ERBIN: variants seen among roughly 807,000 people sequenced by gnomAD.
ERBIN encodes the protein densin-180-like protein.
Under a neutral mutation model 158.4 loss-of-function variants are expected in ERBIN, and 60 were observed. The ratio of observed to expected loss-of-function variants is 0.38; its 90% confidence interval spans 0.31 to 0.47. ERBIN has a LOEUF of 0.47. ERBIN is among the 20% of genes least tolerant of loss of function. The pLI is 0.99. For synonymous variants in ERBIN, 594 were observed against 557.2 expected (o/e 1.07, Z -0.93); for missense variants, 1,610 against 1,648.0 (o/e 0.98, Z 0.40).
Position 66,080,295 on chromosome 5 carries a change from A to T in ERBIN, c.*1765A>T, listed in dbSNP as rs1001349331. ...TTGCACTTCTTTCAAGATGTTATCA[A>T]TTGGTTATTGTACTGTATAGTTTTA... On this transcript the variant is annotated 3_prime_UTR_variant, in exon 26 of 26. Transcript: ENST00000284037. The T allele has an allele frequency of 6.6e-5, 10 of 152,550 alleles. No homozygotes were observed. Among genetic ancestry groups the T allele is most frequent in the Non-Finnish European group, 1.0e-4 (7 of 67,976 alleles). 9.4% of individuals were successfully genotyped at this position (152,550 alleles called of 1,614,324 possible).
chr5:66,054,709 A>C lies in ERBIN; in HGVS notation c.3391A>C (p.Thr1131Pro), dbSNP rs1759420952. The C allele has an allele frequency of 1.9e-6, 3 of 1,614,138 alleles. No homozygotes were observed. In the East Asian group the frequency reaches 6.7e-5, roughly 36 times the overall value. ...ATCACAGAGACCCCTTTCTGCACGA[A>C]CATACAGCATAGATGGTCCAAATGC... ...PGSQRPLSARTYSIDGPNASR... is the reference protein window; with the variant it reads ...PGSQRPLSARPYSIDGPNASR... Residue 1131 changes from threonine to proline, a missense_variant, in exon 21 of 26, where the codon ACA becomes CCA. Coordinates refer to ENST00000284037, the MANE Select transcript of ERBIN (RefSeq NM_001253697.2).
intron 4 of ERBIN, among the ~76,000 whole-genome samples, chr5:66,011,512 A>AC (rs1384628607): frequency 6.6e-6 from 1 of 152,080 alleles, no homozygotes; most frequent in Non-Finnish European, 1.5e-5. Flanking sequence ...GCATGGTGAA[A>AC]CCCCGTCTCT....
intron 1 of ERBIN, among the ~76,000 whole-genome samples, chr5:65,953,659 A>G (rs930813889): frequency 1.3e-5 from 2 of 152,184 alleles, no homozygotes; most frequent in Non-Finnish European, 2.9e-5. Context: ...ATTATTTGCT[A>G]AGTTTTTCTT....
Position 66,002,763 on chromosome 5 carries a change from AT to A in ERBIN, c.307+7901del, listed in dbSNP as rs1561357911. ...TTCACATTAAACTAAAAGAAGTTAA[AT>A]TGATTAAGAGGATATTACAGATTGA... On this transcript the variant is annotated intron_variant, in intron 4 of 25. Transcript: ENST00000284037. Among the ~76,000 whole-genome samples the A allele has an allele frequency of 3.9e-5, 6 of 152,364 alleles. No homozygotes were observed. In the South Asian group the frequency reaches 1.2e-3, roughly 32 times the overall value.
chr5:65,992,746 C>T lies in ERBIN; in HGVS notation c.28C>T (p.Arg10Trp), dbSNP rs778078799. 1.8e-5 allele frequency: 29 copies of T among 1,599,324 alleles called. No homozygotes were observed. The highest frequency in any genetic ancestry group is 3.3e-4 in the Middle Eastern group (2 of 6,016). The change falls in exon 3 of 26, where the codon CGG becomes TGG. Residue 10 changes from arginine to tryptophan, a missense_variant. Coordinates refer to ENST00000284037, the MANE Select transcript of ERBIN (RefSeq NM_001253697.2). MTTKRSLFV[R>W]LVPCRCLRGE... ...GACTACAAAACGAAGTTTGTTTGTGCGGTTGGTACCATGTCGCTGTCTACG... is the reference window on the plus strand; with the variant it reads ...GACTACAAAACGAAGTTTGTTTGTGTGGTTGGTACCATGTCGCTGTCTACG...
Position 66,078,837 on chromosome 5 carries a change from A to G in ERBIN, c.*307A>G, listed in dbSNP as rs1762243106. 3.6e-6 allele frequency: 1 copy of G among 274,444 alleles called. No individual in the cohort carries two copies. The highest frequency in any genetic ancestry group is 5.0e-5 in the Admixed American group (1 of 19,820). 17.0% of individuals were successfully genotyped at this position (274,444 alleles called of 1,614,324 possible). On this transcript the variant is annotated 3_prime_UTR_variant, in exon 26 of 26. Transcript: ENST00000284037. ...AGGTTTATTTTTGGATTTCATATACATGACTGAACTGTGTGCAAGGCAATA... is the reference window on the plus strand; with the variant it reads ...AGGTTTATTTTTGGATTTCATATACGTGACTGAACTGTGTGCAAGGCAATA...
chr5:66,051,064 T>C (rs148688208), intron 20 of ERBIN, 98 bp downstream of exon 20: 154 of 721,914 alleles, frequency 2.1e-4, no homozygotes, highest in Non-Finnish European at 3.1e-4. Flanking sequence ...ATAAATATTA[T>C]AGAAGTGGTT....
At chr5:65,966,275 A>AT (rs1307871616) in intron 1 of ERBIN, among the ~76,000 whole-genome samples, 1 of 152,254 alleles carries the variant, frequency 6.6e-6, no homozygotes, top group Non-Finnish European at 1.5e-5. Context: ...GTATAAAAGT[A>AT]TAAGTACAGT....
intron 4 of ERBIN, among the ~76,000 whole-genome samples, chr5:66,001,790 TTTTTATTTTA>T (rs553802092): frequency 6.6e-6 from 1 of 152,160 alleles, no homozygotes; most frequent in Non-Finnish European, 1.5e-5. Context: ...GTATGTATGC[TTTTTATTTTA>T]TTTTATTTTA....
At chr5:65,992,438 C>T (rs1278893492) in intron 2 of ERBIN, among the ~76,000 whole-genome samples, 2 of 151,992 alleles carry the variant, frequency 1.3e-5, no homozygotes, top group Non-Finnish European at 2.9e-5. Context: ...TGAGCCACTG[C>T]GCCCGGCCTC....
intron 14 of ERBIN, among the ~76,000 whole-genome samples, chr5:66,030,293 C>T (rs1476794072): frequency 2.6e-5 from 4 of 151,606 alleles, no homozygotes; most frequent in South Asian, 2.1e-4. Context: ...CCGCCTGCTT[C>T]GGCCTCCCAA....
chr5:66,036,750 T>A (rs1757437530), intron 14 of ERBIN, among the ~76,000 whole-genome samples: 1 of 152,218 alleles, frequency 6.6e-6, no homozygotes, highest in African/African-American at 2.4e-5. Flanking sequence ...GAAATATTCA[T>A]TGAATGAGTG....
chr5:65,991,112 C>A (rs1196867749), intron 2 of ERBIN, among the ~76,000 whole-genome samples: 1 of 152,146 alleles, frequency 6.6e-6, no homozygotes, highest in Non-Finnish European at 1.5e-5. Context: ...TATTCTTTGT[C>A]ACTTTTAAAA....
At chr5:66,024,255 A>T in intron 9 of ERBIN, 51 bp from the exon 10 acceptor site, 1 of 1,249,602 alleles carries the variant, frequency 8.0e-7, no homozygotes. Context: ...TAAACTTTTT[A>T]CAAATTACTA....
chr5:65,996,957 G>A, intron 4 of ERBIN, among the ~76,000 whole-genome samples: 1 of 152,104 alleles, frequency 6.6e-6, no homozygotes, highest in South Asian at 2.1e-4. Flanking sequence ...AAATGCTACT[G>A]ATTTTTGTAT....
At chr5:66,051,943 G>A (rs938450820) in intron 20 of ERBIN, among the ~76,000 whole-genome samples, 2 of 151,264 alleles carry the variant, frequency 1.3e-5, no homozygotes, top group East Asian at 1.9e-4. Context: ...GTGGTGGAAT[G>A]CCTGTAATCC....
At chr5:65,989,485 T>A (rs576726664) in intron 2 of ERBIN, among the ~76,000 whole-genome samples, 1 of 152,338 alleles carries the variant, frequency 6.6e-6, no homozygotes, top group African/African-American at 2.4e-5. Flanking sequence ...TCTATTTAGC[T>A]TCCTAGAGCC....
intron 1 of ERBIN, among the ~76,000 whole-genome samples, chr5:65,968,624 G>T (rs1160322114): frequency 6.6e-6 from 1 of 152,078 alleles, no homozygotes; most frequent in Non-Finnish European, 1.5e-5. Flanking sequence ...GCAGTGGCCC[G>T]ATCTTGGCTC....
chr5:66,020,229 C>T (rs1019218077), intron 7 of ERBIN, among the ~76,000 whole-genome samples: 1 of 151,970 alleles, frequency 6.6e-6, no homozygotes, highest in Admixed American at 6.6e-5. Flanking sequence ...TAATGTAGAC[C>T]AATGACAGTT....
Sources: gnomAD v4.1 joint callset for allele counts (sites outside exome capture counted in the v4.1 genomes callset) on GRCh38, gnomAD v4.1.1 for gene constraint, MANE v1.5 for transcripts, NCBI Gene and HGNC (gene_info 2026-07-23, HGNC 2026-07-21) for gene names.